The following KCNA3 variants were observed in gnomAD, a reference collection of about 807,000 sequenced individuals.
The protein encoded by KCNA3 is RP11-284N8.3.
A neutral mutation model predicts 34.3 loss-of-function variants in KCNA3; 18 were observed. The ratio of observed to expected loss-of-function variants is 0.52; its 90% confidence interval spans 0.36 to 0.78. KCNA3 has a LOEUF of 0.78. KCNA3 is among the 30% of genes least tolerant of loss of function. The pLI, the probability that KCNA3 is intolerant of heterozygous loss-of-function variation, is 0.00. For synonymous variants in KCNA3, 324 were observed against 351.7 expected, an observed-to-expected ratio of 0.92 and a Z score of 0.88; for missense variants, 587 against 802.5, an observed-to-expected ratio of 0.73 and a Z score of 3.24.
At chr1:110,667,310 A>T in the KCNA3 span, among the ~76,000 whole-genome samples, 1 of 152,124 alleles carries the variant, frequency 6.6e-6, no homozygotes, top group Non-Finnish European at 1.5e-5. Context: ...GGGCCTCCAT[A>T]GAGATTCCCA....
chr1:110,661,631 C>T, the KCNA3 span, among the ~76,000 whole-genome samples: 4 of 152,148 alleles, frequency 2.6e-5, no homozygotes, highest in Non-Finnish European at 5.9e-5. Flanking sequence ...TGTCTTGCTG[C>T]TGTTACATTC....
downstream of KCNA3, among the ~76,000 whole-genome samples, chr1:110,668,244 T>C (rs1325134669): frequency 1.3e-5 from 2 of 152,150 alleles, no homozygotes; most frequent in African/African-American, 2.4e-5. Context: ...AGTGTTTCCA[T>C]AAGTCTTCAG....
the KCNA3 span, among the ~76,000 whole-genome samples, chr1:110,663,333 A>G: frequency 1.3e-5 from 2 of 152,302 alleles, no homozygotes; most frequent in East Asian, 3.9e-4. Context: ...TCTTTATCCC[A>G]TGTGAGCTTA....
At chr1:110,672,230 G>A (rs1486336504), downstream of KCNA3, among the ~76,000 whole-genome samples, 1 of 152,168 alleles carries the variant, frequency 6.6e-6, no homozygotes. Flanking sequence ...AGTAACTTCC[G>A]CTGGAAGGGG....
the KCNA3 span, among the ~76,000 whole-genome samples, chr1:110,659,361 A>T: frequency 6.6e-6 from 1 of 152,216 alleles, no homozygotes; most frequent in African/African-American, 2.4e-5. Flanking sequence ...ATATGCACGC[A>T]TTATGAAGCG....
At chr1:110,663,162 T>G in the KCNA3 span, among the ~76,000 whole-genome samples, 1 of 152,090 alleles carries the variant, frequency 6.6e-6, no homozygotes, top group Non-Finnish European at 1.5e-5. Context: ...AAAGTTACAA[T>G]AGAAAATCCA....
chr1:110,656,234 G>A, the KCNA3 span: 1 of 152,030 alleles, frequency 6.6e-6, no homozygotes, highest in Admixed American at 6.6e-5. Context: ...CAGACATTCT[G>A]TTTAGGTAAT....
the KCNA3 span, among the ~76,000 whole-genome samples, chr1:110,666,014 C>T: frequency 6.6e-6 from 1 of 152,246 alleles, no homozygotes; most frequent in East Asian, 1.9e-4. Flanking sequence ...ATAGTCCCCA[C>T]TCTCATGGAA....
chr1:110,663,743 C>A, the KCNA3 span, among the ~76,000 whole-genome samples: 1 of 152,106 alleles, frequency 6.6e-6, no homozygotes, highest in Non-Finnish European at 1.5e-5. Context: ...TACTAAGAAC[C>A]AAATGCTACT....
chr1:110,673,345 G>A lies in KCNA3; in HGVS notation c.1465C>T (p.Arg489Trp). The change falls in exon 1 of 1, where the codon CGG (arginine) becomes TGG (tryptophan). Residue 489 changes from arginine to tryptophan, a missense_variant. Physicochemically the swap from Arg to Trp is moderately radical, Grantham distance 101. Coordinates refer to ENST00000369769, the MANE Select transcript of KCNA3 (RefSeq NM_002232.5). The surrounding 1 kb of genome is among the most constrained non-coding windows in gnomAD (Gnocchi z 8.8). Reference sequence around the variant, plus strand: ...GATTGCTCTTCCCCTTCTGTCTCCCGGTGGTAGAAGTAATTGAAGTTGGAA... The same window carrying A: ...GATTGCTCTTCCCCTTCTGTCTCCCAGTGGTAGAAGTAATTGAAGTTGGAA... ...IVSNFNYFYH[R>W]ETEGEEQSQY... The A allele has an allele frequency of 1.2e-6, 2 of 1,614,060 alleles. No homozygotes were observed. Among genetic ancestry groups the A allele is most frequent in the Non-Finnish European group, 1.7e-6 (2 of 1,180,018 alleles).
chr1:110,670,588 T>C (rs918136323), downstream of KCNA3, among the ~76,000 whole-genome samples: 4 of 152,262 alleles, frequency 2.6e-5, no homozygotes, highest in South Asian at 8.3e-4. Flanking sequence ...TATCAAAATG[T>C]GTCATAAAAA....
chr1:110,662,500 T>C, the KCNA3 span, among the ~76,000 whole-genome samples: 2 of 152,238 alleles, frequency 1.3e-5, no homozygotes, highest in African/African-American at 2.4e-5. Context: ...TGTGTCTATA[T>C]ACTTTGACAT....
chr1:110,668,430 T>G (rs1309052794), downstream of KCNA3, among the ~76,000 whole-genome samples: 1 of 152,154 alleles, frequency 6.6e-6, no homozygotes, highest in Admixed American at 6.5e-5. Context: ...TAGTATATAT[T>G]ATATACATTG....
At chr1:110,665,225 G>C in the KCNA3 span, among the ~76,000 whole-genome samples, 1 of 152,224 alleles carries the variant, frequency 6.6e-6, no homozygotes, top group African/African-American at 2.4e-5. Context: ...ACTCAAATAA[G>C]AGGAAGGATG....
At chr1:110,660,249 T>C in the KCNA3 span, among the ~76,000 whole-genome samples, 834 of 152,342 alleles carry the variant, frequency 5.5e-3, 14 homozygotes, top group African/African-American at 0.019. Flanking sequence ...GCTGAAATTA[T>C]AGACATTTTT....
the KCNA3 span, chr1:110,656,015 C>T: frequency 5.9e-5 from 9 of 152,180 alleles, no homozygotes; most frequent in Middle Eastern, 3.4e-3. Context: ...ATTAGGCCTC[C>T]TTTGTATTCA....
chr1:110,660,529 A>C, the KCNA3 span, among the ~76,000 whole-genome samples: 3 of 152,152 alleles, frequency 2.0e-5, no homozygotes, highest in African/African-American at 7.2e-5. Context: ...AGAGAGAGAG[A>C]CAAGACACCA....
At chr1:110,668,746 C>T (rs1651777803), downstream of KCNA3, among the ~76,000 whole-genome samples, 1 of 152,176 alleles carries the variant, frequency 6.6e-6, no homozygotes, top group East Asian at 1.9e-4. Context: ...AAGGCATATA[C>T]ATTTTTCCCC....
At position 110,674,644 on chromosome 1, in the gene KCNA3, C is replaced by T; in HGVS notation, c.166G>A (p.Val56Met). 6.5e-7 allele frequency: 1 copy of T among 1,542,872 alleles called. No individual in the cohort carries two copies. Among genetic ancestry groups the T allele is most frequent in the Non-Finnish European group, 8.7e-7 (1 of 1,155,676 alleles). The change falls in exon 1 of 1, where the codon GTG (valine) becomes ATG (methionine). Residue 56 changes from valine (V) to methionine (M), a missense_variant. Val to Met is a conservative substitution (Grantham distance 21). Coordinates refer to ENST00000369769, the MANE Select transcript of KCNA3 (RefSeq NM_002232.5). The surrounding 1 kb of genome is among the most constrained non-coding windows in gnomAD (Gnocchi z 6.4). ...GRELPPDMTV[V>M]PGDHLLEPEV... Reference sequence around the variant, plus strand: ...GGCTCCAGCAGGTGGTCCCCGGGCACCACGGTCATGTCGGGCGGCAGCTCG... The same window carrying T: ...GGCTCCAGCAGGTGGTCCCCGGGCATCACGGTCATGTCGGGCGGCAGCTCG...
Sources: gnomAD v4.1 joint callset for allele counts (sites outside exome capture counted in the v4.1 genomes callset) on GRCh38, gnomAD v4.1.1 for gene constraint, Gnocchi (gnomAD v3.1) non-coding constraint, MANE v1.5 for transcripts, NCBI Gene and HGNC (gene_info 2026-07-23, HGNC 2026-07-21) for gene names.